The following CTNND2 variants were observed in gnomAD, a reference collection of about 807,000 sequenced individuals.
CTNND2 encodes the protein catenin delta 2.
CTNND2 carries 22 observed loss-of-function variants against 144.4 expected under a neutral mutation model. The observed-to-expected ratio is 0.15, with a 90% confidence interval of 0.11 to 0.22. The LOEUF is 0.22. CTNND2 is among the 10% of genes least tolerant of loss of function. The pLI, the probability that CTNND2 is intolerant of heterozygous loss-of-function variation, is 1.00. For missense variants in CTNND2, 1,353 were observed against 1,618.8 expected (o/e 0.84, Z 2.82); for synonymous variants, 751 against 695.6 (o/e 1.08, Z -1.25).
chr5:11,497,827 C>T, intron 3 of CTNND2, among the ~76,000 whole-genome samples: 1 of 151,842 alleles, frequency 6.6e-6, no homozygotes, highest in Non-Finnish European at 1.5e-5. Flanking sequence ...TGTACTCCTC[C>T]CCACCCCACT....
chr5:11,610,858 CT>C (rs1327060914), intron 2 of CTNND2, among the ~76,000 whole-genome samples: 3 of 152,106 alleles, frequency 2.0e-5, no homozygotes, highest in Non-Finnish European at 4.4e-5. Context: ...AAAGGAAGCT[CT>C]TGTTCACTTG....
chr5:11,131,798 A>C (rs1003814098), intron 12 of CTNND2, among the ~76,000 whole-genome samples: 8 of 152,208 alleles, frequency 5.3e-5, no homozygotes, highest in African/African-American at 1.7e-4. Flanking sequence ...CAAAAAAAAA[A>C]ACAAAAAACT....
intron 2 of CTNND2, among the ~76,000 whole-genome samples, chr5:11,706,861 G>A (rs897173659): frequency 9.2e-5 from 14 of 151,950 alleles, no homozygotes; most frequent in South Asian, 2.1e-4. Context: ...TGAGGCGGGC[G>A]GATCACGAGG....
chr5:11,131,265 T>C (rs1000651753), intron 12 of CTNND2, among the ~76,000 whole-genome samples: 6 of 152,154 alleles, frequency 3.9e-5, no homozygotes, highest in Admixed American at 3.3e-4. Context: ...CACCAAGCAG[T>C]TGGCTTCCAG....
rs1206630162 is a variant in CTNND2, at chr5:11,364,719, G to A, written c.1349C>T (p.Thr450Ile). The change falls in exon 8 of 22, where the codon ACC becomes ATC. Residue 450 changes from threonine (T) to isoleucine (I), a missense_variant. Coordinates refer to ENST00000304623, the MANE Select transcript of CTNND2 (RefSeq NM_001332.4). ...SQGDPLPPAH[T>I]GTYRTSTAPS... ...ACCTGTGCTCGTGCGGTAGGTGCCG[G>A]TGTGTGCTGGCGGCAGAGGGTCCCC... 1 of 1,613,492 alleles carries A rather than the reference G, an allele frequency of 6.2e-7. No individual in the cohort carries two copies. Among genetic ancestry groups the A allele is most frequent in the Non-Finnish European group, 8.5e-7 (1 of 1,179,874 alleles).
intron 21 of CTNND2, among the ~76,000 whole-genome samples, chr5:10,975,472 A>G (rs1736350555): frequency 6.6e-6 from 1 of 152,122 alleles, no homozygotes; most frequent in Non-Finnish European, 1.5e-5. Context: ...CCATCCATCC[A>G]TCCATCCCTC....
intron 9 of CTNND2, among the ~76,000 whole-genome samples, chr5:11,296,309 T>C (rs1405566710): frequency 2.0e-5 from 3 of 151,680 alleles, no homozygotes; most frequent in Non-Finnish European, 4.4e-5. Flanking sequence ...GTTAGAATGG[T>C]GATCATTAAA....
chr5:11,662,438 AG>A (rs1422609196), intron 2 of CTNND2, among the ~76,000 whole-genome samples: 2 of 151,900 alleles, frequency 1.3e-5, no homozygotes, highest in African/African-American at 4.8e-5. Flanking sequence ...GTTTGAGGGC[AG>A]GAAGTATCCA....
chr5:11,558,700 G>A (rs757824423), intron 3 of CTNND2, among the ~76,000 whole-genome samples: 3 of 152,132 alleles, frequency 2.0e-5, no homozygotes, highest in Non-Finnish European at 4.4e-5. Context: ...CAGGTGCTGG[G>A]TGGGGCCCAG....
intron 11 of CTNND2, among the ~76,000 whole-genome samples, chr5:11,178,132 C>T (rs1760654225): frequency 6.6e-6 from 1 of 152,112 alleles, no homozygotes. Flanking sequence ...TCTATTCCTG[C>T]AATAGTGTTC....
At chr5:11,379,819 A>G (rs1344654685) in intron 7 of CTNND2, among the ~76,000 whole-genome samples, 3 of 152,108 alleles carry the variant, frequency 2.0e-5, no homozygotes, top group South Asian at 4.2e-4. Flanking sequence ...ACATATGACC[A>G]TGTCAGTTGT....
At chr5:11,811,446 A>G (rs908685222) in intron 1 of CTNND2, among the ~76,000 whole-genome samples, 2 of 152,190 alleles carry the variant, frequency 1.3e-5, no homozygotes, top group African/African-American at 2.4e-5. Context: ...AAAGATTATC[A>G]TGAAATAAGG....
chr5:11,368,098 GGGTA>G, intron 7 of CTNND2, among the ~76,000 whole-genome samples: 1 of 152,230 alleles, frequency 6.6e-6, no homozygotes, highest in South Asian at 2.1e-4. Flanking sequence ...GCTGAAACAT[GGGTA>G]CTTGGCTTAC....
intron 18 of CTNND2, among the ~76,000 whole-genome samples, chr5:11,012,138 T>A (rs1424447548): frequency 6.6e-6 from 1 of 152,138 alleles, no homozygotes; most frequent in East Asian, 1.9e-4. Flanking sequence ...TACTTTCCAT[T>A]TTACAAAGCA....
intron 3 of CTNND2, among the ~76,000 whole-genome samples, chr5:11,543,699 A>G (rs1213785775): frequency 6.6e-6 from 1 of 151,756 alleles, no homozygotes; most frequent in Non-Finnish European, 1.5e-5. Flanking sequence ...ATTCCATTCA[A>G]TTAATAGCTC....
intron 3 of CTNND2, among the ~76,000 whole-genome samples, chr5:11,518,306 A>T (rs1478327716): frequency 6.6e-6 from 1 of 151,854 alleles, no homozygotes; most frequent in Non-Finnish European, 1.5e-5. Context: ...TAGAATAATG[A>T]TAGAAATATT....
At chr5:11,691,411 A>G (rs1296278986) in intron 2 of CTNND2, among the ~76,000 whole-genome samples, 2 of 151,670 alleles carry the variant, frequency 1.3e-5, no homozygotes, top group African/African-American at 4.8e-5. Context: ...AATAAAATAA[A>G]ATAAAAAATA....
chr5:11,302,406 G>GTGTC (rs1482246104), intron 9 of CTNND2, among the ~76,000 whole-genome samples: 1 of 152,068 alleles, frequency 6.6e-6, no homozygotes, highest in Non-Finnish European at 1.5e-5. Flanking sequence ...TCGGAGGGAT[G>GTGTC]TGTCATCTTT....
chr5:11,300,352 C>T (rs1749459638), intron 9 of CTNND2, among the ~76,000 whole-genome samples: 1 of 152,328 alleles, frequency 6.6e-6, no homozygotes, highest in South Asian at 2.1e-4. Context: ...GCAAAGGAAA[C>T]TATTCTGGTG....
Sources: allele counts gnomAD v4.1 joint callset (sites outside exome capture counted in the v4.1 genomes callset), GRCh38; gene constraint gnomAD v4.1.1; transcripts MANE v1.5; gene names NCBI Gene and HGNC (gene_info 2026-07-23, HGNC 2026-07-21).